USP20: variants seen among roughly 807,000 people sequenced by gnomAD.
USP20 encodes the protein ubiquitin carboxyl-terminal hydrolase 20.
In USP20, 80 loss-of-function variants were observed where a neutral mutation model predicts 124.2. The ratio of observed to expected loss-of-function variants is 0.64; its 90% CI spans 0.54 to 0.78. The LOEUF is 0.78. Among genes scored for constraint, USP20 ranks in the 30% least tolerant of loss-of-function variants. The pLI is 0.00. For missense variants in USP20, 1,043 were observed against 1,244.4 expected, an observed-to-expected ratio of 0.84 and a Z score of 2.44; for synonymous variants, 481 against 512.3, an observed-to-expected ratio of 0.94 and a Z score of 0.83.
chr9:129,849,688 A>G (rs568115007), intron 1 of USP20, 125 bp from the exon 2 acceptor site: 1 of 152,464 alleles, frequency 6.6e-6, no homozygotes, highest in Admixed American at 6.5e-5. Flanking sequence ...GCTTGAGCCT[A>G]GAAGGTCAAG....
In USP20 at chr9:129,869,436, C is replaced by G. The variant is rs1429191334; in HGVS notation, c.1392+11C>G. 1 of 1,612,336 alleles carries G rather than the reference C, an allele frequency of 6.2e-7. No individual in the cohort carries two copies. On this transcript the variant is annotated intron_variant, in intron 13 of 25. Coordinates refer to ENST00000372429, the MANE Select transcript of USP20 (RefSeq NM_001110303.4). The stretch of plus-strand genomic sequence containing the variant: ...CTCACCTGTGACCGGGTGGGTGCCC[C>G]AGGGATGGGGGGAGCTGGGCCAGGC...
chr9:129,843,662 A>G (rs536454528), intron 1 of USP20, among the ~76,000 whole-genome samples: 60 of 151,890 alleles, frequency 4.0e-4, no homozygotes, highest in African/African-American at 1.3e-3. Context: ...GCTTGAACCC[A>G]GGAGGTGGAG....
At chr9:129,870,286 A>T in intron 14 of USP20, 167 bp from the exon 15 acceptor site, 8 of 647,112 alleles carry the variant, frequency 1.2e-5, no homozygotes, top group Non-Finnish European at 2.2e-5. Flanking sequence ...CAGGACACGG[A>T]CGTGTCTGGC....
chr9:129,857,211 G>A (rs181590776), intron 4 of USP20, among the ~76,000 whole-genome samples: 2 of 152,318 alleles, frequency 1.3e-5, no homozygotes, highest in Non-Finnish European at 2.9e-5. Flanking sequence ...AAGACACTGC[G>A]TATCCAGGGG....
chr9:129,856,892 C>T (rs1041002861), intron 4 of USP20, among the ~76,000 whole-genome samples: 4 of 152,290 alleles, frequency 2.6e-5, no homozygotes, highest in Non-Finnish European at 5.9e-5. Flanking sequence ...TGGGTGATTA[C>T]TGGTTACTAA....
intron 17 of USP20, 144 bp from the exon 18 acceptor site, chr9:129,874,432 G>C: frequency 9.2e-7 from 1 of 1,088,794 alleles, no homozygotes; most frequent in South Asian, 1.5e-5. Flanking sequence ...AGCGAGCCCA[G>C]TCTGGCCCCC....
intron 1 of USP20, among the ~76,000 whole-genome samples, chr9:129,841,732 C>G (rs533722673): frequency 9.2e-5 from 14 of 152,306 alleles, no homozygotes; most frequent in African/African-American, 3.1e-4. Flanking sequence ...AGGGTTTGCT[C>G]TAGTCCATGA....
intron 9 of USP20, 140 bp downstream of exon 9, chr9:129,863,439 C>G (rs2033654775): frequency 1.6e-6 from 1 of 613,914 alleles, no homozygotes; most frequent in South Asian, 2.7e-5. Flanking sequence ...TTGCAGCAAG[C>G]CTGCGGGGTG....
Position 129,870,553 on chromosome 9 carries a change from G to A in USP20, c.1660+6G>A, listed in dbSNP as rs953926998. ...TGCCGCTGATGAGTTAAAGGGTGAG[G>A]GGCCTGGCTGGCAAGGGTCGGGGAG... On this transcript the variant is annotated splice_donor_region_variant and intron_variant, in intron 15 of 25. Coordinates refer to ENST00000372429, the MANE Select transcript of USP20 (RefSeq NM_001110303.4). The A allele has an allele frequency of 1.9e-6, 3 of 1,613,672 alleles. No individual in the cohort carries two copies. Among genetic ancestry groups the A allele is most frequent in the African/African-American group, 2.7e-5 (2 of 74,912 alleles).
chr9:129,870,135 G>A (rs1294326362), intron 14 of USP20: 4 of 563,932 alleles, frequency 7.1e-6, no homozygotes, highest in Non-Finnish European at 1.3e-5. Flanking sequence ...CCTGGTTGGC[G>A]GGAAGGGCAG....
intron 2 of USP20, 31 bp from the exon 3 acceptor site, chr9:129,852,509 T>G: frequency 6.4e-7 from 1 of 1,553,266 alleles, no homozygotes; most frequent in Non-Finnish European, 8.7e-7. Context: ...CTGGCTGCCA[T>G]TAACCCGGGA....
rs2031862676 is a variant in USP20 at position 129,836,711 on chromosome 9, C to T, written c.-129+1212C>T. Among the ~76,000 whole-genome samples the T allele has an allele frequency of 2.0e-5, 3 of 152,210 alleles. No homozygotes were observed. The South Asian group carries it at 6.2e-4, about 31-fold the overall frequency. On this transcript the variant is annotated intron_variant, in intron 1 of 25. Coordinates refer to ENST00000372429, the MANE Select transcript of USP20 (RefSeq NM_001110303.4). The stretch of plus-strand genomic sequence containing the variant: ...GCTGGAAAAAATAGTAGACTCGGGA[C>T]TTCTTGCACCAGCGTTTTATCTTTG...
At chr9:129,865,590 T>C (rs2033783775) in intron 10 of USP20, among the ~76,000 whole-genome samples, 1 of 151,926 alleles carries the variant, frequency 6.6e-6, no homozygotes, top group Non-Finnish European at 1.5e-5. Context: ...ACTTCACAGA[T>C]GGACAGACTG....
chr9:129,846,248 T>TATATATATATATATATATATATA (rs1491285186), intron 1 of USP20, among the ~76,000 whole-genome samples: 1 of 40,606 alleles, frequency 2.5e-5, no homozygotes, highest in Non-Finnish European at 4.2e-5. Flanking sequence ...TATATATATA[T>TATATATATATATATATATATATA]TTTTTTTTTT....
At chr9:129,855,941 A>G (rs986631792) in intron 3 of USP20, among the ~76,000 whole-genome samples, 1 of 152,178 alleles carries the variant, frequency 6.6e-6, no homozygotes, top group African/African-American at 2.4e-5. Context: ...TAATGGGGAG[A>G]AAGGCTGAAA....
intron 4 of USP20, 51 bp downstream of exon 4, chr9:129,856,411 T>C (rs41278742): frequency 0.017 from 27,023 of 1,588,116 alleles, 299 homozygotes; most frequent in East Asian, 0.024. Context: ...CCACCTGTTA[T>C]CAGCACTGCA....
intron 22 of USP20, 136 bp downstream of exon 22, chr9:129,876,374 C>T (rs1588290683): frequency 2.9e-6 from 2 of 698,914 alleles, no homozygotes; most frequent in East Asian, 2.8e-5. Context: ...CATGGTGGCT[C>T]ACACCTGTAA....
At chr9:129,856,410 A>G in intron 4 of USP20, 50 bp downstream of exon 4, 1 of 1,593,450 alleles carries the variant, frequency 6.3e-7, no homozygotes, top group East Asian at 2.2e-5. Context: ...TCCACCTGTT[A>G]TCAGCACTGC....
In USP20 at chr9:129,876,164, G is replaced by C; in HGVS notation, c.2335G>C (p.Val779Leu). 6.2e-7 allele frequency: 1 copy of C among 1,613,404 alleles called. No homozygotes were observed. Among genetic ancestry groups the C allele is most frequent in the African/African-American group, 1.3e-5 (1 of 75,064 alleles). ...TGGCCCCGCCGTGAACCACCTGTAC[G>C]TGTGCTCCATCTGCCAGGTGGAGAT... ...GGGPAVNHLY[V>L]CSICQVEIEA... The change falls in exon 22 of 26, where the codon GTG becomes CTG. Residue 779 changes from valine (V) to leucine (L), a missense_variant. Transcript: ENST00000372429.
Sources: gnomAD v4.1 joint callset for allele counts (sites outside exome capture counted in the v4.1 genomes callset) on GRCh38, gnomAD v4.1.1 for gene constraint, MANE v1.5 for transcripts, NCBI Gene and HGNC (gene_info 2026-07-23, HGNC 2026-07-21) for gene names.